The following NKAIN3 variants were observed in gnomAD, a reference collection of about 807,000 sequenced individuals.
NKAIN3 encodes sodium/potassium transporting ATPase interacting 3.
In NKAIN3, 25 loss-of-function variants were observed where a neutral mutation model predicts 30.2. The observed-to-expected ratio is 0.83, with a 90% CI of 0.60 to 1.16. The LOEUF is 1.16. Among genes scored for constraint, NKAIN3 ranks in the 50% most tolerant of loss-of-function variants. The pLI is 0.00. For missense variants in NKAIN3, 225 were observed against 254.1 expected (o/e 0.89, Z 0.78); for synonymous variants, 91 against 89.6 (o/e 1.02, Z -0.09).
rs533746391 is a variant in NKAIN3 at position 62,380,729 on chromosome 8, C to G, written c.54+131602C>G. Among the ~76,000 whole-genome samples the G allele has an allele frequency of 3.3e-5, 5 of 152,192 alleles. No individual in the cohort carries two copies. In the East Asian group the frequency reaches 9.6e-4, roughly 29 times the overall value. On this transcript the variant is annotated intron_variant, in intron 1 of 6. Coordinates refer to ENST00000623646, the MANE Select transcript of NKAIN3 (RefSeq NM_001304533.3). ...GTAATTACTGTTTAATATTCAAGTGCAAATAAAACAAAGGAAAAGCTCTCA... is the reference window on the plus strand; with the variant it reads ...GTAATTACTGTTTAATATTCAAGTGGAAATAAAACAAAGGAAAAGCTCTCA...
chr8:62,598,428 G>A (rs182967680), intron 3 of NKAIN3, among the ~76,000 whole-genome samples: 1 of 152,126 alleles, frequency 6.6e-6, no homozygotes, highest in East Asian at 1.9e-4. Flanking sequence ...TAGAGGGAGG[G>A]TGGGGACATA....
chr8:62,877,820 C>G (rs1233107134), intron 4 of NKAIN3, among the ~76,000 whole-genome samples: 1 of 152,078 alleles, frequency 6.6e-6, no homozygotes, highest in East Asian at 1.9e-4. Flanking sequence ...GCGGGCAGAT[C>G]ACCTGAGGTT....
At chr8:62,269,942 T>G (rs770704254) in intron 1 of NKAIN3, among the ~76,000 whole-genome samples, 1 of 152,202 alleles carries the variant, frequency 6.6e-6, no homozygotes. Context: ...TACTTTCCTT[T>G]AAGTATAAAA....
intron 3 of NKAIN3, among the ~76,000 whole-genome samples, chr8:62,636,980 G>A (rs1048669697): frequency 2.6e-5 from 4 of 151,962 alleles, no homozygotes; most frequent in Admixed American, 6.6e-5. Context: ...CTTATTTTAC[G>A]TGAAAATTTT....
chr8:62,909,286 G>C (rs79662095), intron 4 of NKAIN3, among the ~76,000 whole-genome samples: 2 of 152,060 alleles, frequency 1.3e-5, no homozygotes, highest in Non-Finnish European at 2.9e-5. Context: ...GTAGCTTTAT[G>C]TCATTTGCAT....
intron 4 of NKAIN3, among the ~76,000 whole-genome samples, chr8:62,909,044 T>G (rs1231531744): frequency 6.6e-6 from 1 of 152,142 alleles, no homozygotes; most frequent in Non-Finnish European, 1.5e-5. Context: ...CACATAACAG[T>G]GGTCACTAAA....
chr8:62,630,039 C>A (rs1214413683), intron 3 of NKAIN3, among the ~76,000 whole-genome samples: 1 of 151,950 alleles, frequency 6.6e-6, no homozygotes, highest in Non-Finnish European at 1.5e-5. Flanking sequence ...AAGAGAGAAC[C>A]ACATTCACAT....
At chr8:62,869,954 T>C (rs2130798896) in intron 4 of NKAIN3, among the ~76,000 whole-genome samples, 1 of 151,898 alleles carries the variant, frequency 6.6e-6, no homozygotes, top group Admixed American at 6.6e-5. Flanking sequence ...GTATTTTTAG[T>C]AGAGACGGGG....
At chr8:62,724,999 C>G (rs933978806) in intron 3 of NKAIN3, among the ~76,000 whole-genome samples, 6 of 151,994 alleles carry the variant, frequency 3.9e-5, no homozygotes, top group Non-Finnish European at 8.8e-5. Flanking sequence ...TTTCCACCAA[C>G]AGGGTACAAG....
At chr8:62,621,908 TC>T (rs1811627239) in intron 3 of NKAIN3, among the ~76,000 whole-genome samples, 1 of 152,046 alleles carries the variant, frequency 6.6e-6, no homozygotes, top group South Asian at 2.1e-4. Flanking sequence ...AATATTGCCC[TC>T]CTGCAAGATC....
intron 1 of NKAIN3, among the ~76,000 whole-genome samples, chr8:62,529,804 G>A (rs2129832086): frequency 6.6e-6 from 1 of 152,272 alleles, no homozygotes; most frequent in East Asian, 1.9e-4. Context: ...ATTCTGGAGA[G>A]CCAAGAAGTT....
At chr8:62,513,526 G>A (rs775540757) in intron 1 of NKAIN3, among the ~76,000 whole-genome samples, 44 of 152,180 alleles carry the variant, frequency 2.9e-4, no homozygotes, top group Non-Finnish European at 4.3e-4. Flanking sequence ...ATGAGTAGGC[G>A]TTAGTGTGGT....
intron 1 of NKAIN3, among the ~76,000 whole-genome samples, chr8:62,568,448 C>T (rs1015615139): frequency 6.6e-6 from 1 of 152,234 alleles, no homozygotes; most frequent in East Asian, 1.9e-4. Context: ...TTTTTCGACA[C>T]ATTGAAAATT....
intron 3 of NKAIN3, among the ~76,000 whole-genome samples, chr8:62,634,275 A>G (rs1231818326): frequency 6.6e-6 from 1 of 151,982 alleles, no homozygotes; most frequent in African/African-American, 2.4e-5. Context: ...TAGACACCTT[A>G]CCCATCATGA....
chr8:62,978,152 C>T lies in NKAIN3; in HGVS notation c.*12745C>T, dbSNP rs559256138. ...CTCTCCTGTATGAAGTGTCTGTCGA[C>T]CCCTGTTGGGAGATGTCTCCCCATC... is the stretch of plus-strand genomic sequence containing the variant. On this transcript the variant is annotated 3_prime_UTR_variant, in exon 7 of 7. Transcript: ENST00000623646. 7.3e-4 allele frequency: 113 copies of T among 154,496 alleles called. 1 individual carries two copies. Among genetic ancestry groups the T allele is most frequent in the African/African-American group, 2.6e-3 (110 of 41,604 alleles). 9.6% of individuals were successfully genotyped at this position (154,496 alleles called of 1,614,324 possible).
intron 1 of NKAIN3, among the ~76,000 whole-genome samples, chr8:62,491,082 T>G (rs1807053894): frequency 6.6e-6 from 1 of 152,192 alleles, no homozygotes; most frequent in African/African-American, 2.4e-5. Flanking sequence ...TTTATGAGCA[T>G]TCACATATTT....
In NKAIN3 at chr8:62,404,231, C is replaced by T. The variant is rs528176724; in HGVS notation, c.54+155104C>T. 3.3e-5 allele frequency among the ~76,000 whole-genome samples: 5 copies of T among 152,270 alleles called. No homozygotes were observed. The East Asian group carries it at 9.7e-4, about 29-fold the overall frequency. Reference sequence around the variant, plus strand: ...ATGCAGAAGGAACTTGCCTTGTCTCCAGTGAGATTTTGGACTTTGACTTTT... The same window carrying T: ...ATGCAGAAGGAACTTGCCTTGTCTCTAGTGAGATTTTGGACTTTGACTTTT... On this transcript the variant is annotated intron_variant, in intron 1 of 6. Coordinates refer to ENST00000623646, the MANE Select transcript of NKAIN3 (RefSeq NM_001304533.3).
intron 4 of NKAIN3, among the ~76,000 whole-genome samples, chr8:62,823,594 G>A (rs1818921664): frequency 6.6e-6 from 1 of 152,180 alleles, no homozygotes; most frequent in South Asian, 2.1e-4. Context: ...GATTAAAACA[G>A]ACTGATTAAG....
intron 1 of NKAIN3, among the ~76,000 whole-genome samples, chr8:62,539,742 A>G (rs1052862075): frequency 6.6e-6 from 1 of 152,178 alleles, no homozygotes; most frequent in Middle Eastern, 3.4e-3. Flanking sequence ...GGTGTGCACA[A>G]CCACACCTGG....
Sources: allele counts gnomAD v4.1 joint callset (sites outside exome capture counted in the v4.1 genomes callset), GRCh38; gene constraint gnomAD v4.1.1; transcripts MANE v1.5; gene names NCBI Gene and HGNC (gene_info 2026-07-23, HGNC 2026-07-21).